Variants in DACH1 observed in about 807,000 individuals in gnomAD.
The protein encoded by DACH1 is dachshund homolog 1.
A neutral mutation model predicts 54.2 loss-of-function variants in DACH1; 12 were observed. The ratio of observed to expected loss-of-function variants is 0.22; its 90% CI spans 0.14 to 0.36. The LOEUF is 0.36. Among genes scored for constraint, DACH1 ranks in the 10% least tolerant of loss-of-function variants. The probability of loss-of-function intolerance (pLI) is 1.00; values close to 1 mark genes in which losing one functional copy is unlikely to be tolerated. For missense variants in DACH1, 805 were observed against 929.8 expected, an observed-to-expected ratio of 0.87 and a Z score of 1.75; for synonymous variants, 386 against 366.2, an observed-to-expected ratio of 1.05 and a Z score of -0.62.
intron 10 of DACH1, among the ~76,000 whole-genome samples, chr13:71,450,126 T>C (rs902544192): frequency 1.3e-5 from 2 of 151,710 alleles, no homozygotes; most frequent in Non-Finnish European, 2.9e-5. Flanking sequence ...GGTACAGGCT[T>C]ACCTCCTTTT....
intron 2 of DACH1, among the ~76,000 whole-genome samples, chr13:71,639,145 C>G (rs553402435): frequency 6.6e-6 from 1 of 152,094 alleles, no homozygotes; most frequent in South Asian, 2.1e-4. Context: ...TTCCTCCTAT[C>G]CTTATTTAAA....
chr13:71,749,507 C>G (rs1180553115), intron 1 of DACH1, among the ~76,000 whole-genome samples: 7 of 152,032 alleles, frequency 4.6e-5, no homozygotes, highest in African/African-American at 1.7e-4. Context: ...GATAATGCCG[C>G]AAATCCCAGC....
At chr13:71,446,485 C>A (rs1473772412) in intron 10 of DACH1, among the ~76,000 whole-genome samples, 1 of 152,100 alleles carries the variant, frequency 6.6e-6, no homozygotes. Flanking sequence ...TCCACCAACC[C>A]AAGAAAATAA....
At chr13:71,860,497 T>C (rs539872829) in intron 1 of DACH1, among the ~76,000 whole-genome samples, 21 of 151,180 alleles carry the variant, frequency 1.4e-4, no homozygotes, top group African/African-American at 4.8e-4. Flanking sequence ...AAGGAAATAC[T>C]TGAAAGATAA....
intron 1 of DACH1, among the ~76,000 whole-genome samples, chr13:71,720,222 A>G (rs868656710): frequency 3.1e-4 from 47 of 152,288 alleles, no homozygotes; most frequent in Middle Eastern, 3.4e-3. Context: ...AAGGAAAGCT[A>G]GCATGGCTTA....
chr13:71,842,426 A>T (rs1268265489), intron 1 of DACH1, among the ~76,000 whole-genome samples: 1 of 146,940 alleles, frequency 6.8e-6, no homozygotes, highest in African/African-American at 2.5e-5. Context: ...AAAAAAAAAA[A>T]AATTAGCAAG....
chr13:71,682,056 C>T (rs1436141918), intron 1 of DACH1, 146 bp from the exon 2 acceptor site: 2 of 548,902 alleles, frequency 3.6e-6, no homozygotes. Context: ...ACTTCCATCA[C>T]TAATTAGATT....
intron 2 of DACH1, among the ~76,000 whole-genome samples, chr13:71,673,834 G>C (rs1296225837): frequency 6.6e-6 from 1 of 152,138 alleles, no homozygotes; most frequent in African/African-American, 2.4e-5. Context: ...CATCAATTTA[G>C]AGATTTAAAT....
At chr13:71,713,822 T>C (rs1298020578) in intron 1 of DACH1, among the ~76,000 whole-genome samples, 2 of 152,060 alleles carry the variant, frequency 1.3e-5, no homozygotes, top group Non-Finnish European at 2.9e-5. Context: ...AGCAAAATTT[T>C]AAAAGAGAAT....
At chr13:71,504,846 T>C (rs541813940) in intron 6 of DACH1, among the ~76,000 whole-genome samples, 3 of 152,322 alleles carry the variant, frequency 2.0e-5, no homozygotes, top group South Asian at 2.1e-4. Context: ...TCAATTACAA[T>C]ACAAATTCCT....
chr13:71,489,317 TACA>T (rs1593776108), intron 6 of DACH1, among the ~76,000 whole-genome samples, 169 bp from the exon 7 acceptor site: 1 of 152,168 alleles, frequency 6.6e-6, no homozygotes, highest in South Asian at 2.1e-4. Context: ...GCTGTGGAGA[TACA>T]ACAAGATAAC....
At chr13:71,597,896 C>T (rs576135884) in intron 3 of DACH1, among the ~76,000 whole-genome samples, 11 of 152,002 alleles carry the variant, frequency 7.2e-5, no homozygotes, top group East Asian at 5.8e-4. Context: ...GTGGGCATAT[C>T]GCTTGAGCCC....
intron 1 of DACH1, among the ~76,000 whole-genome samples, chr13:71,783,143 A>G (rs1886454037): frequency 1.3e-5 from 2 of 152,176 alleles, no homozygotes; most frequent in Non-Finnish European, 2.9e-5. Flanking sequence ...AAGGAGTTAC[A>G]ACACTATCAC....
At chr13:71,805,666 T>C (rs1594243343) in intron 1 of DACH1, among the ~76,000 whole-genome samples, 1 of 152,284 alleles carries the variant, frequency 6.6e-6, no homozygotes, top group East Asian at 1.9e-4. Flanking sequence ...TGGTTTACCG[T>C]TAGAGTCTTC....
intron 3 of DACH1, among the ~76,000 whole-genome samples, chr13:71,594,575 A>T (rs533948297): frequency 1.8e-4 from 27 of 152,320 alleles, no homozygotes; most frequent in Admixed American, 4.6e-4. Context: ...ATGTGTAAAC[A>T]TGAGCTGAAG....
Position 71,439,812 on chromosome 13 carries a change from C to T in DACH1, c.*843G>A, listed in dbSNP as rs1157227365. ...CTAAACTCTAGTATACTACTGCATA[C>T]ATAATACCTTCCTTGTGTGTTTTAT... On this transcript the variant is annotated 3_prime_UTR_variant, in exon 11 of 11. Coordinates refer to ENST00000613252, the MANE Select transcript of DACH1 (RefSeq NM_080759.6). 1 of 152,422 alleles carries T rather than the reference C, an allele frequency of 6.6e-6. No homozygotes were observed. Among genetic ancestry groups the T allele is most frequent in the African/African-American group, 2.4e-5 (1 of 41,402 alleles). 9.4% of individuals were successfully genotyped at this position (152,422 alleles called of 1,614,324 possible).
chr13:71,715,924 T>G (rs1301178670), intron 1 of DACH1, among the ~76,000 whole-genome samples: 1 of 152,092 alleles, frequency 6.6e-6, no homozygotes, highest in Non-Finnish European at 1.5e-5. Context: ...GTTTTCCTTT[T>G]TCTCTTGAGT....
chr13:71,824,383 A>C (rs1888303755), intron 1 of DACH1, among the ~76,000 whole-genome samples: 1 of 152,026 alleles, frequency 6.6e-6, no homozygotes, highest in South Asian at 2.1e-4. Flanking sequence ...AGAGATGGAG[A>C]GGAACTTTCC....
At chr13:71,632,218 A>G (rs2138573876) in intron 2 of DACH1, among the ~76,000 whole-genome samples, 1 of 152,272 alleles carries the variant, frequency 6.6e-6, no homozygotes, top group Admixed American at 6.5e-5. Context: ...TTATATATTT[A>G]TATAGAGAGA....
Sources: allele counts gnomAD v4.1 joint callset (sites outside exome capture counted in the v4.1 genomes callset), GRCh38; gene constraint gnomAD v4.1.1; transcripts MANE v1.5; gene names NCBI Gene and HGNC (gene_info 2026-07-23, HGNC 2026-07-21).